The following NBAS variants were observed in gnomAD, a reference collection of about 807,000 sequenced individuals.
NBAS encodes the protein NAG/BC035112 fusion.
Under a neutral mutation model 302.5 loss-of-function variants are expected in NBAS, and 219 were observed. That is an observed-to-expected ratio of 0.72 (90% CI 0.65 to 0.81). The LOEUF (loss-of-function observed/expected upper bound fraction) is 0.81. Among genes scored for constraint, NBAS ranks in the 30% least tolerant of loss-of-function variants. The pLI is 0.00. For synonymous variants in NBAS, 1,118 were observed against 1,021.6 expected (o/e 1.09, Z -1.80); for missense variants, 2,932 against 2,841.6 (o/e 1.03, Z -0.72).
chr2:14,836,343 G>A, the NBAS span, among the ~76,000 whole-genome samples: 4 of 151,288 alleles, frequency 2.6e-5, no homozygotes, highest in Non-Finnish European at 5.9e-5. Context: ...TTTGTGTCTA[G>A]GTTTTTTTAA....
chr2:14,895,734 C>T, the NBAS span, among the ~76,000 whole-genome samples: 70 of 131,750 alleles, frequency 5.3e-4, no homozygotes, highest in Non-Finnish European at 9.6e-4. Context: ...AGCGAGACTC[C>T]GTCTCAAAAA....
At chr2:14,807,454 AGTGTGTGTGTGT>A in the NBAS span, among the ~76,000 whole-genome samples, 3 of 147,236 alleles carry the variant, frequency 2.0e-5, no homozygotes, top group Non-Finnish European at 4.5e-5. Flanking sequence ...TGTGTGTGTG[AGTGTGTGTGTGT>A]GTGTGTGTGT....
intron 35 of NBAS, among the ~76,000 whole-genome samples, chr2:15,331,235 T>C (rs935717568): frequency 4.6e-5 from 7 of 152,204 alleles, no homozygotes; most frequent in Admixed American, 4.6e-4. Context: ...AAAAGGCATG[T>C]TTCCCATCTA....
intron 38 of NBAS, among the ~76,000 whole-genome samples, chr2:15,319,004 C>A (rs568262451): frequency 6.6e-6 from 1 of 152,248 alleles, no homozygotes; most frequent in Admixed American, 6.5e-5. Context: ...GGAAGTAAAA[C>A]ACTCCTCAGC....
At chr2:15,471,878 C>T (rs1438833053) in intron 16 of NBAS, among the ~76,000 whole-genome samples, 2 of 152,118 alleles carry the variant, frequency 1.3e-5, no homozygotes, top group African/African-American at 4.8e-5. Context: ...TTGGCTAACA[C>T]CTTGATTTTG....
intron 6 of NBAS, among the ~76,000 whole-genome samples, chr2:15,548,868 C>T (rs1664241164): frequency 6.6e-6 from 1 of 152,014 alleles, no homozygotes; most frequent in African/African-American, 2.4e-5. Flanking sequence ...GCATGAAGAA[C>T]ACAATGGGGT....
At chr2:15,424,498 C>T in intron 22 of NBAS, 30 bp from the exon 23 acceptor site, 2 of 1,612,570 alleles carry the variant, frequency 1.2e-6, no homozygotes, top group Admixed American at 1.7e-5. Flanking sequence ...CAATTAATAA[C>T]TGACTAGAAT....
At chr2:15,153,213 C>T in the NBAS span, among the ~76,000 whole-genome samples, 1 of 152,234 alleles carries the variant, frequency 6.6e-6, no homozygotes. Flanking sequence ...CCACATGGTA[C>T]ATGAGTATGG....
At chr2:15,145,223 T>C in the NBAS span, among the ~76,000 whole-genome samples, 10 of 152,106 alleles carry the variant, frequency 6.6e-5, no homozygotes, top group Admixed American at 1.3e-4. Context: ...GGTGTTTTCA[T>C]TACTCATTTT....
At chr2:15,194,848 C>T (rs1030959295) in intron 48 of NBAS, among the ~76,000 whole-genome samples, 4 of 151,972 alleles carry the variant, frequency 2.6e-5, no homozygotes, top group Non-Finnish European at 5.9e-5. Context: ...CCATACTGAA[C>T]GATCTAGCCA....
At chr2:15,033,030 T>C in the NBAS span, among the ~76,000 whole-genome samples, 1 of 152,108 alleles carries the variant, frequency 6.6e-6, no homozygotes, top group African/African-American at 2.4e-5. Context: ...TTGACTACTA[T>C]CCAGCAGAAC....
In NBAS at chr2:15,221,575, T is replaced by C. The variant is rs138361020; in HGVS notation, c.6237-2607A>G. ...TAAAAGTGACTATTATCCAAATTACTAATATAAATGTGAACAACTGTTTCG... is the reference window on the plus strand; with the variant it reads ...TAAAAGTGACTATTATCCAAATTACCAATATAAATGTGAACAACTGTTTCG... On this transcript the variant is annotated intron_variant, in intron 47 of 51. Coordinates refer to ENST00000281513, the MANE Select transcript of NBAS (RefSeq NM_015909.4). Among the ~76,000 whole-genome samples the C allele has an allele frequency of 2.0e-5, 3 of 152,286 alleles. No homozygotes were observed. The East Asian group carries it at 5.8e-4, about 29-fold the overall frequency.
chr2:15,186,920 C>T (rs781431867), intron 49 of NBAS, 40 bp from the exon 50 acceptor site: 2 of 1,612,604 alleles, frequency 1.2e-6, no homozygotes, highest in South Asian at 1.1e-5. Context: ...CTGGAAATGA[C>T]TAAAGTTATC....
At chr2:14,853,315 G>A in the NBAS span, among the ~76,000 whole-genome samples, 1 of 68,862 alleles carries the variant, frequency 1.5e-5, no homozygotes, top group South Asian at 5.3e-4. Flanking sequence ...AAAAACACAT[G>A]AAAAAATGCT....
rs1264554566 is a variant in NBAS, at chr2:15,394,245, G to A, written c.3239C>T (p.Thr1080Met). 1.1e-5 allele frequency: 18 copies of A among 1,610,336 alleles called. No individual in the cohort carries two copies. The highest frequency in any genetic ancestry group is 1.7e-4 in the Middle Eastern group (1 of 6,056). Residue 1080 changes from threonine (T) to methionine (M), a missense_variant, in exon 28 of 52, where the codon ACG becomes ATG. Coordinates refer to ENST00000281513, the MANE Select transcript of NBAS (RefSeq NM_015909.4). ...TACTCACTTCCGGCCAGTGTGCCTCGTCAATCTAACCATCAGCTTGCGTGC... is the reference window on the plus strand; with the variant it reads ...TACTCACTTCCGGCCAGTGTGCCTCATCAATCTAACCATCAGCTTGCGTGC... ...EEARKLMVRLTRHTGRKQPPV... is the reference protein window; with the variant it reads ...EEARKLMVRLMRHTGRKQPPV...
chr2:15,082,852 C>T, the NBAS span, among the ~76,000 whole-genome samples: 1 of 152,206 alleles, frequency 6.6e-6, no homozygotes, highest in East Asian at 1.9e-4. Context: ...GGAACTGAGA[C>T]TTTGAGGAGT....
At chr2:15,134,882 C>T in the NBAS span, among the ~76,000 whole-genome samples, 2 of 152,188 alleles carry the variant, frequency 1.3e-5, no homozygotes, top group African/African-American at 4.8e-5. Context: ...ATGATCCCCT[C>T]TAATGGGTCG....
In NBAS at chr2:15,221,706, T is replaced by C. The variant is rs76583125; in HGVS notation, c.6237-2738A>G. Among the ~76,000 whole-genome samples, 520 of 152,260 alleles carry C rather than the reference T, an allele frequency of 3.4e-3. 9 individuals are homozygous for C. In the East Asian group the frequency reaches 0.075, roughly 22 times the overall value. On this transcript the variant is annotated intron_variant, in intron 47 of 51. Transcript: ENST00000281513. The stretch of plus-strand genomic sequence containing the variant: ...ATATAAATGCAAGTGTGGGAAAATA[T>C]AATCCAGACAGAGAACAGCAAGAAA...
the NBAS span, among the ~76,000 whole-genome samples, chr2:14,849,693 A>T: frequency 7.1e-6 from 1 of 141,034 alleles, no homozygotes; most frequent in African/African-American, 3.1e-5. Flanking sequence ...AGGTCGGGTT[A>T]CCCTCAAAGG....
Sources: allele counts gnomAD v4.1 joint callset (sites outside exome capture counted in the v4.1 genomes callset), GRCh38; gene constraint gnomAD v4.1.1; transcripts MANE v1.5; gene names NCBI Gene and HGNC (gene_info 2026-07-23, HGNC 2026-07-21).